Variants in SPATA13 observed in about 807,000 individuals in gnomAD.
SPATA13 encodes spermatogenesis-associated protein 13.
SPATA13 carries 50 observed loss-of-function variants against 104.0 expected under a neutral mutation model. That is an observed-to-expected ratio of 0.48 (90% confidence interval 0.38 to 0.61). The LOEUF (loss-of-function observed/expected upper bound fraction) is 0.61. Ranked by LOEUF, SPATA13 falls within the 20% of genes least tolerant of loss-of-function variation. The pLI is 0.00. For synonymous variants in SPATA13, 606 were observed against 667.5 expected (o/e 0.91, Z 1.42); for missense variants, 1,524 against 1,690.6 (o/e 0.90, Z 1.73).
chr13:24,268,228 A>G (rs535225391), intron 4 of SPATA13, among the ~76,000 whole-genome samples: 1 of 152,364 alleles, frequency 6.6e-6, no homozygotes, highest in Admixed American at 6.5e-5. Context: ...AGGTAGATAC[A>G]ATATACAGTG....
At chr13:24,285,270 A>T (rs1875847608) in intron 5 of SPATA13, among the ~76,000 whole-genome samples, 1 of 152,182 alleles carries the variant, frequency 6.6e-6, no homozygotes, top group African/African-American at 2.4e-5. Context: ...GTGTAAAGTT[A>T]GATGCAAAAC....
At chr13:24,093,547 A>G (rs945502080) in intron 3 of SPATA13, among the ~76,000 whole-genome samples, 4 of 152,188 alleles carry the variant, frequency 2.6e-5, no homozygotes, top group African/African-American at 9.7e-5. Context: ...AAACAGCTGG[A>G]AAGATCAGGC....
At chr13:24,221,792 A>C (rs1199499583) in intron 1 of SPATA13, among the ~76,000 whole-genome samples, 1 of 149,876 alleles carries the variant, frequency 6.7e-6, no homozygotes, top group African/African-American at 2.5e-5. Flanking sequence ...TTTAATTTGA[A>C]TTCTTACCTC....
At chr13:24,222,732 C>T (rs1871661681) in intron 1 of SPATA13, 87 bp from the exon 2 acceptor site, 5 of 1,163,528 alleles carry the variant, frequency 4.3e-6, no homozygotes, top group Non-Finnish European at 6.0e-6. Flanking sequence ...CTGACCAGCC[C>T]TGTGCTGGAG....
At chr13:24,266,586 C>T (rs1474664995) in intron 4 of SPATA13, among the ~76,000 whole-genome samples, 1 of 151,846 alleles carries the variant, frequency 6.6e-6, no homozygotes, top group East Asian at 2.0e-4. Flanking sequence ...ACACAATCTT[C>T]AGTGTTTATT....
At position 24,062,666 on chromosome 13, in the gene SPATA13, G is replaced by A. The variant is rs1038976306; in HGVS notation, c.-112+44965G>A. ...AACTGTGTAAGGAAGACCCAGTGAAGTATCCTCATGACTGCACCTGAGCTG... is the reference window on the plus strand; with the variant it reads ...AACTGTGTAAGGAAGACCCAGTGAAATATCCTCATGACTGCACCTGAGCTG... On this transcript the variant is annotated intron_variant, in intron 3 of 14. Coordinates refer to the SPATA13 transcript ENST00000424834. 6.6e-5 allele frequency among the ~76,000 whole-genome samples: 10 copies of A among 152,242 alleles called. 4 individuals carry two copies. The highest frequency in any genetic ancestry group is 6.5e-4 in the Admixed American group (10 of 15,296).
At chr13:23,993,193 G>A (rs1875495825) in intron 2 of SPATA13, among the ~76,000 whole-genome samples, 1 of 152,248 alleles carries the variant, frequency 6.6e-6, no homozygotes, top group Non-Finnish European at 1.5e-5. Flanking sequence ...TGTGGCAGCT[G>A]GGGTTCCTAA....
At chr13:24,072,057 A>G (rs546549606) in intron 3 of SPATA13, among the ~76,000 whole-genome samples, 2 of 152,342 alleles carry the variant, frequency 1.3e-5, no homozygotes, top group South Asian at 2.1e-4. Flanking sequence ...AGAAGTGCAC[A>G]TGTCCAATCA....
chr13:24,036,276 G>A (rs188960379), intron 3 of SPATA13, among the ~76,000 whole-genome samples: 33 of 152,300 alleles, frequency 2.2e-4, no homozygotes, highest in Middle Eastern at 3.4e-3. Context: ...TCTCCCTGGC[G>A]TCAGGGTTAA....
At chr13:24,124,770 C>T (rs1034736832) in intron 3 of SPATA13, among the ~76,000 whole-genome samples, 6 of 152,272 alleles carry the variant, frequency 3.9e-5, no homozygotes, top group Admixed American at 1.3e-4. Flanking sequence ...ACTACTTTTA[C>T]ATCATCAATT....
intron 1 of SPATA13, among the ~76,000 whole-genome samples, chr13:24,171,505 G>A (rs528372401): frequency 3.3e-5 from 5 of 152,338 alleles, no homozygotes; most frequent in Admixed American, 3.3e-4. Flanking sequence ...GACAGTGGGA[G>A]TGCCACAAGG....
intron 3 of SPATA13, among the ~76,000 whole-genome samples, chr13:24,150,965 A>G (rs1882084123): frequency 1.3e-5 from 2 of 152,204 alleles, no homozygotes; most frequent in African/African-American, 2.4e-5. Context: ...ATTGATGCAT[A>G]AAGTTAGGCA....
chr13:24,075,177 A>G (rs1411899698), intron 3 of SPATA13, among the ~76,000 whole-genome samples: 1 of 152,210 alleles, frequency 6.6e-6, no homozygotes, highest in South Asian at 2.1e-4. Context: ...TCACAGCACT[A>G]TTTTAAATCT....
chr13:23,995,606 T>A (rs891497391), intron 2 of SPATA13, among the ~76,000 whole-genome samples: 3 of 152,238 alleles, frequency 2.0e-5, no homozygotes, highest in African/African-American at 7.2e-5. Flanking sequence ...GAATTTCATC[T>A]GTATCTGATA....
At chr13:24,137,619 G>A (rs1593353802) in intron 3 of SPATA13, among the ~76,000 whole-genome samples, 1 of 152,082 alleles carries the variant, frequency 6.6e-6, no homozygotes, top group African/African-American at 2.4e-5. Context: ...AATTAGGCAA[G>A]CGTGGTACGC....
chr13:24,259,938 C>T (rs963565706), intron 4 of SPATA13, among the ~76,000 whole-genome samples: 1 of 152,160 alleles, frequency 6.6e-6, no homozygotes, highest in Admixed American at 6.5e-5. Context: ...CCACACCCGG[C>T]CTGAGTTGGA....
intron 3 of SPATA13, among the ~76,000 whole-genome samples, chr13:24,128,524 T>C (rs1881291482): frequency 6.6e-6 from 1 of 152,152 alleles, no homozygotes; most frequent in Non-Finnish European, 1.5e-5. Context: ...CAGGTCATGC[T>C]TCTCAGGCCT....
At chr13:24,070,353 C>G (rs921556941) in intron 3 of SPATA13, among the ~76,000 whole-genome samples, 18 of 152,172 alleles carry the variant, frequency 1.2e-4, no homozygotes, top group African/African-American at 4.3e-4. Flanking sequence ...TGCCGCCCCC[C>G]TACCATATGC....
At position 24,223,653 on chromosome 13, in the gene SPATA13, C is replaced by A. The variant is rs780559456; in HGVS notation, c.724C>A (p.Pro242Thr). 1.3e-6 allele frequency: 2 copies of A among 1,552,014 alleles called. No homozygotes were observed. The highest frequency in any genetic ancestry group is 2.4e-5 in the East Asian group (1 of 40,932). Residue 242 changes from proline (P) to threonine (T), a missense_variant, in exon 2 of 13, where the codon CCT (proline) becomes ACT (threonine). Transcript: ENST00000382108. ...CGTGTGTGAGATTCTCGTGAGGGAC[C>A]CTGAAAACAACAGCATGGGCTACAG... ...PAVCEILVRD[P>T]ENNSMGYRRS... is the part of the protein sequence containing the mutation.
Sources: gnomAD v4.1 joint callset for allele counts (sites outside exome capture counted in the v4.1 genomes callset) on GRCh38, gnomAD v4.1.1 for gene constraint, MANE v1.5 for transcripts, NCBI Gene and HGNC (gene_info 2026-07-23, HGNC 2026-07-21) for gene names.